GNB4: variants seen among roughly 807,000 people sequenced by gnomAD.
GNB4 encodes G protein subunit beta 4.
Under a neutral mutation model 45.2 loss-of-function variants are expected in GNB4, and 28 were observed. The observed-to-expected ratio is 0.62, with a 90% CI of 0.46 to 0.85. The LOEUF is 0.85. Among genes scored for constraint, GNB4 ranks in the 40% least tolerant of loss-of-function variants. GNB4 has a pLI of 0.00. For synonymous variants in GNB4, 132 were observed against 143.7 expected (o/e 0.92, Z 0.58); for missense variants, 321 against 425.4 (o/e 0.75, Z 2.16).
At chr3:179,447,190 G>C (rs901124498) in intron 1 of GNB4, among the ~76,000 whole-genome samples, 1 of 151,962 alleles carries the variant, frequency 6.6e-6, no homozygotes, top group Non-Finnish European at 1.5e-5. Flanking sequence ...ATTACAGGCA[G>C]AACAGCAAGC....
At chr3:179,488,454 C>T in the GNB4 span, among the ~76,000 whole-genome samples, 1 of 152,118 alleles carries the variant, frequency 6.6e-6, no homozygotes, top group East Asian at 1.9e-4. Flanking sequence ...CTATTCCAAT[C>T]CCTCCTCCTT....
chr3:179,478,704 C>T, the GNB4 span, among the ~76,000 whole-genome samples: 2 of 152,210 alleles, frequency 1.3e-5, no homozygotes, highest in South Asian at 2.1e-4. Context: ...ACCACCACAC[C>T]CACTGATATG....
the GNB4 span, among the ~76,000 whole-genome samples, chr3:179,521,822 A>G: frequency 1.3e-5 from 2 of 152,076 alleles, no homozygotes; most frequent in Admixed American, 6.5e-5. Flanking sequence ...TTCATACAAA[A>G]CCATATCCAG....
intron 1 of GNB4, among the ~76,000 whole-genome samples, chr3:179,441,111 C>T (rs1313543919): frequency 6.6e-6 from 1 of 152,182 alleles, no homozygotes; most frequent in African/African-American, 2.4e-5. Context: ...TATTTGACAC[C>T]TACCCTGTGC....
chr3:179,487,327 G>T, the GNB4 span, among the ~76,000 whole-genome samples: 6 of 152,160 alleles, frequency 3.9e-5, no homozygotes, highest in African/African-American at 1.4e-4. Context: ...TCTTCTTCAA[G>T]TGTTATAAGC....
chr3:179,471,243 T>G, the GNB4 span, among the ~76,000 whole-genome samples: 1 of 152,168 alleles, frequency 6.6e-6, no homozygotes, highest in Admixed American at 6.6e-5. Flanking sequence ...AGAAATACTT[T>G]TATAAATTTA....
At chr3:179,424,863 C>T (rs1487973137) in intron 2 of GNB4, among the ~76,000 whole-genome samples, 1 of 152,192 alleles carries the variant, frequency 6.6e-6, no homozygotes, top group Non-Finnish European at 1.5e-5. Flanking sequence ...CCGCCTCAGC[C>T]TTCCAAAATG....
At chr3:179,527,780 G>A in the GNB4 span, among the ~76,000 whole-genome samples, 62 of 116,902 alleles carry the variant, frequency 5.3e-4, no homozygotes, top group African/African-American at 2.0e-3. Flanking sequence ...ATAAGTGCGT[G>A]TGTGTATGTA....
chr3:179,520,129 C>T, the GNB4 span, among the ~76,000 whole-genome samples: 6 of 126,722 alleles, frequency 4.7e-5, no homozygotes, highest in Non-Finnish European at 8.0e-5. Context: ...CTTTACTATT[C>T]CTTTGCACCC....
chr3:179,454,028 A>C (rs1004269181), upstream of GNB4, among the ~76,000 whole-genome samples: 1 of 152,206 alleles, frequency 6.6e-6, no homozygotes, highest in Non-Finnish European at 1.5e-5. Flanking sequence ...AACAAAAGAG[A>C]GAGACTGGGA....
intron 6 of GNB4, among the ~76,000 whole-genome samples, 195 bp downstream of exon 6, chr3:179,414,690 T>A (rs1560213851): frequency 6.6e-6 from 1 of 152,096 alleles, no homozygotes; most frequent in Non-Finnish European, 1.5e-5. Context: ...AATACAGCTA[T>A]TTTTGAAAAA....
chr3:179,397,486 C>G lies in GNB4; in HGVS notation c.*3727G>C, dbSNP rs1419084498. The G allele has an allele frequency of 6.6e-6, 1 of 152,292 alleles. No homozygotes were observed. Among genetic ancestry groups the G allele is most frequent in the Non-Finnish European group, 1.5e-5 (1 of 68,030 alleles). 9.4% of individuals were successfully genotyped at this position (152,292 alleles called of 1,614,324 possible). On this transcript the variant is annotated 3_prime_UTR_variant, in exon 10 of 10. Coordinates refer to ENST00000232564, the MANE Select transcript of GNB4 (RefSeq NM_021629.4). Reference sequence around the variant, plus strand: ...CCATTATTTCCAGGAGACTAGTTTACTACTATCATGCAATCGCTGAGGTCA... The same window carrying G: ...CCATTATTTCCAGGAGACTAGTTTAGTACTATCATGCAATCGCTGAGGTCA...
chr3:179,472,581 C>G, the GNB4 span, among the ~76,000 whole-genome samples: 2 of 152,142 alleles, frequency 1.3e-5, no homozygotes, highest in South Asian at 2.1e-4. Context: ...TAAGGCTGGT[C>G]TCAAACTCCT....
chr3:179,488,198 G>T, the GNB4 span, among the ~76,000 whole-genome samples: 3 of 152,306 alleles, frequency 2.0e-5, no homozygotes, highest in Non-Finnish European at 4.4e-5. Context: ...ACCATGGACT[G>T]GTTCTGATAA....
chr3:179,417,038 A>T (rs545723348), intron 4 of GNB4, among the ~76,000 whole-genome samples: 40 of 152,226 alleles, frequency 2.6e-4, no homozygotes, highest in Non-Finnish European at 3.5e-4. Context: ...ACATTTACTC[A>T]TATTTATATT....
chr3:179,447,293 A>G (rs377368523), intron 1 of GNB4, among the ~76,000 whole-genome samples: 1 of 149,324 alleles, frequency 6.7e-6, no homozygotes, highest in Non-Finnish European at 1.5e-5. Context: ...AGAGCAGCAG[A>G]TGAGACTAGA....
At chr3:179,484,682 G>A in the GNB4 span, among the ~76,000 whole-genome samples, 8 of 152,108 alleles carry the variant, frequency 5.3e-5, no homozygotes, top group East Asian at 1.4e-3. Context: ...GTTGTTTAGG[G>A]TTCCTAAGTG....
the GNB4 span, among the ~76,000 whole-genome samples, chr3:179,491,814 A>G: frequency 5.9e-5 from 9 of 152,212 alleles, no homozygotes; most frequent in Admixed American, 5.9e-4. Flanking sequence ...TTACATCACC[A>G]TTCCTAACTT....
chr3:179,474,737 C>CTTCTTT, the GNB4 span, among the ~76,000 whole-genome samples: 1 of 59,726 alleles, frequency 1.7e-5, no homozygotes, highest in Non-Finnish European at 2.8e-5. Flanking sequence ...AGACTGGGTC[C>CTTCTTT]TTTTTTTTTT....
Sources: allele counts gnomAD v4.1 joint callset (sites outside exome capture counted in the v4.1 genomes callset), GRCh38; gene constraint gnomAD v4.1.1; transcripts MANE v1.5; gene names NCBI Gene and HGNC (gene_info 2026-07-23, HGNC 2026-07-21).